The following CT55 variants were observed in gnomAD, a reference collection of about 807,000 sequenced individuals.
CT55 encodes cancer/testis antigen 55.
In CT55, 1 loss-of-function variant was observed where a neutral mutation model predicts 12.6. The observed-to-expected ratio is 0.08, with a 90% CI of 0.03 to 0.38. The LOEUF (loss-of-function observed/expected upper bound fraction) is 0.38. Among genes scored for constraint, CT55 ranks in the 10% least tolerant of loss-of-function variants. CT55 has a pLI of 0.99. For synonymous variants in CT55, 43 were observed against 49.7 expected, an observed-to-expected ratio of 0.87 and a Z score of 0.57; for missense variants, 109 against 135.4, an observed-to-expected ratio of 0.80 and a Z score of 0.97.
chrX:135,161,700 C>T (rs2083563556), intron 2 of CT55, among the ~76,000 whole-genome samples: 1 of 112,423 alleles, frequency 8.9e-6, no homozygotes, highest in Non-Finnish European at 1.9e-5. Flanking sequence ...TGAGCAGAGA[C>T]TTCTGATGGA....
At chrX:135,160,755 C>A (rs2083559133) in intron 2 of CT55, among the ~76,000 whole-genome samples, 200 bp from the exon 3 acceptor site, 2 of 111,903 alleles carry the variant, frequency 1.8e-5, no homozygotes, top group South Asian at 3.7e-4. Context: ...TGAAATGTAT[C>A]CCAAAACATT....
In CT55 at chrX:135,171,163, C is replaced by T; in HGVS notation, c.9G>A (p.Arg3=). The T allele has an allele frequency of 1.7e-6, 2 of 1,211,590 alleles. No homozygotes were observed. The highest frequency in any genetic ancestry group is 2.2e-6 in the Non-Finnish European group (2 of 895,388). ML[R]LLRLALAFYG... ...AGAAGGCCAAAGCAAGTCTCAGAAG[C>T]CTGAGCATCGTCCCAGTTGTCACCA... Residue 3 remains arginine (R), a synonymous_variant, in exon 1 of 6, where the codon AGG becomes AGA. Transcript: ENST00000276241.
chrX:135,164,979 G>T (rs1257068721), intron 2 of CT55, among the ~76,000 whole-genome samples: 4 of 111,969 alleles, frequency 3.6e-5, no homozygotes, highest in Admixed American at 9.5e-5. Context: ...TGCAGTAATA[G>T]TAGGGGACTT....
At chrX:135,167,509 T>C (rs6635037) in intron 2 of CT55, among the ~76,000 whole-genome samples, 5,873 of 110,948 alleles carry the variant, frequency 0.053, 156 homozygotes, top group Middle Eastern at 0.088. Context: ...GAAGGAGACA[T>C]AGGGGGAAAG....
intron 2 of CT55, among the ~76,000 whole-genome samples, chrX:135,161,231 T>C (rs1432155857): frequency 4.5e-5 from 5 of 111,768 alleles, no homozygotes; most frequent in Admixed American, 9.5e-5. Flanking sequence ...ACCTTTTCCC[T>C]TGTTGGAAGT....
At chrX:135,168,578 T>C (rs2083595913) in intron 2 of CT55, among the ~76,000 whole-genome samples, 2 of 111,263 alleles carry the variant, frequency 1.8e-5, no homozygotes, top group Non-Finnish European at 3.8e-5. Context: ...CTGGATGTTG[T>C]TGGGGGAGGG....
At chrX:135,160,804 T>C (rs1569481790) in intron 2 of CT55, among the ~76,000 whole-genome samples, 1 of 111,882 alleles carries the variant, frequency 8.9e-6, no homozygotes, top group Non-Finnish European at 1.9e-5. Context: ...TACCATTAGA[T>C]TCCAAGATTA....
intron 3 of CT55, 74 bp downstream of exon 3, chrX:135,160,337 A>G: frequency 9.4e-7 from 1 of 1,064,244 alleles, no homozygotes; most frequent in Admixed American, 3.7e-5. Context: ...AGTACACTGT[A>G]AAAGTTGTTC....
At chrX:135,167,995 G>GA (rs1173276755) in intron 2 of CT55, among the ~76,000 whole-genome samples, 1 of 111,454 alleles carries the variant, frequency 9.0e-6, no homozygotes, top group East Asian at 2.8e-4. Flanking sequence ...CGGTTGGTGG[G>GA]ATGTAAATTG....
intron 2 of CT55, among the ~76,000 whole-genome samples, chrX:135,164,058 C>A (rs1196054472): frequency 8.9e-6 from 1 of 111,886 alleles, no homozygotes; most frequent in Non-Finnish European, 1.9e-5. Flanking sequence ...GTTCTTCCAA[C>A]TGACGTAAGG....
chrX:135,163,911 T>C (rs1281735327), intron 2 of CT55, among the ~76,000 whole-genome samples: 1 of 110,588 alleles, frequency 9.0e-6, no homozygotes, highest in Non-Finnish European at 1.9e-5. Context: ...TAGTATACTT[T>C]AGGAACACAA....
intron 2 of CT55, among the ~76,000 whole-genome samples, chrX:135,165,534 G>GA: frequency 9.0e-6 from 1 of 110,654 alleles, no homozygotes. Context: ...AGAAAAACAA[G>GA]AAAAAAATGC....
intron 2 of CT55, among the ~76,000 whole-genome samples, chrX:135,164,078 G>A (rs1556405584): frequency 8.9e-6 from 1 of 111,849 alleles, no homozygotes; most frequent in Non-Finnish European, 1.9e-5. Context: ...GGACGCTAAT[G>A]AGTAATGCAA....
rs1477557322 is a variant in CT55, at chrX:135,166,926, A to C, written c.279+2668T>G. On this transcript the variant is annotated intron_variant, in intron 2 of 5. Coordinates refer to ENST00000276241, the MANE Select transcript of CT55 (RefSeq NM_001031705.3). The stretch of plus-strand genomic sequence containing the variant: ...AGGATTGCAACACTGAAAACTATAA[A>C]CCATTGACGAAGCAAATTGAAGGAG... Among the ~76,000 whole-genome samples, 4 of 112,142 alleles carry C rather than the reference A, an allele frequency of 3.6e-5. No individual in the cohort carries two copies. In the East Asian group the frequency reaches 1.1e-3, roughly 31 times the overall value.
At chrX:135,166,620 G>A (rs781902326) in intron 2 of CT55, among the ~76,000 whole-genome samples, 12 of 111,831 alleles carry the variant, frequency 1.1e-4, no homozygotes, top group African/African-American at 3.6e-4. Flanking sequence ...AATTAGGCAA[G>A]AAGAAACAAA....
At chrX:135,167,671 C>G (rs782782774) in intron 2 of CT55, among the ~76,000 whole-genome samples, 1 of 109,217 alleles carries the variant, frequency 9.2e-6, no homozygotes, top group Non-Finnish European at 1.9e-5. Flanking sequence ...ACAATCTATG[C>G]GATAGGAGAA....
chrX:135,169,342 T>G (rs2148445441), intron 2 of CT55, among the ~76,000 whole-genome samples: 1 of 112,605 alleles, frequency 8.9e-6, no homozygotes, highest in East Asian at 2.8e-4. Context: ...AAGAGTTCAA[T>G]AATTATTATT....
chrX:135,168,309 G>A (rs2083594658), intron 2 of CT55, among the ~76,000 whole-genome samples: 1 of 111,935 alleles, frequency 8.9e-6, no homozygotes, highest in Admixed American at 9.5e-5. Context: ...GATGAACCTG[G>A]AGAATGATAT....
At chrX:135,158,156 A>G (rs201359529) in intron 4 of CT55, 43 bp downstream of exon 4, 561 of 798,555 alleles carry the variant, frequency 7.0e-4, no homozygotes, top group Non-Finnish European at 9.7e-4. Context: ...CCAAAGGAAG[A>G]GTTAGCAGAA....
Sources: allele counts gnomAD v4.1 joint callset (sites outside exome capture counted in the v4.1 genomes callset), GRCh38; gene constraint gnomAD v4.1.1; transcripts MANE v1.5; gene names NCBI Gene and HGNC (gene_info 2026-07-23, HGNC 2026-07-21).